The following CD109 variants were observed in gnomAD, a reference collection of about 807,000 sequenced individuals.
CD109 encodes CD109 molecule.
A neutral mutation model predicts 165.8 loss-of-function variants in CD109; 149 were observed. The observed-to-expected ratio is 0.90, with a 90% CI of 0.79 to 1.03. The LOEUF (loss-of-function observed/expected upper bound fraction) is 1.03, where lower values mean the gene tolerates loss of function less well. Among genes scored for constraint, CD109 ranks in the 50% least tolerant of loss-of-function variants. The probability of loss-of-function intolerance (pLI) is 0.00; values close to 1 mark genes in which losing one functional copy is unlikely to be tolerated. For synonymous variants in CD109, 585 were observed against 592.1 expected, an observed-to-expected ratio of 0.99 and a Z score of 0.18; for missense variants, 1,712 against 1,677.8, an observed-to-expected ratio of 1.02 and a Z score of -0.36.
At chr6:73,782,249 C>T (rs928611837) in intron 17 of CD109, among the ~76,000 whole-genome samples, 1 of 152,176 alleles carries the variant, frequency 6.6e-6, no homozygotes, top group African/African-American at 2.4e-5. Context: ...TATGATCTCT[C>T]TACATTAAAG....
the CD109 span, among the ~76,000 whole-genome samples, chr6:73,685,727 G>A: frequency 1.2e-4 from 18 of 152,166 alleles, no homozygotes; most frequent in Admixed American, 4.6e-4. Context: ...AGTCCCCAAA[G>A]TCCATTATAT....
rs1017257231 is a variant in CD109 at position 73,696,366 on chromosome 6, G to A, written c.74+77G>A. On this transcript the variant is annotated intron_variant, in intron 1 of 32. Coordinates refer to ENST00000287097, the MANE Select transcript of CD109 (RefSeq NM_133493.5). ...CTGCGGCTCTGGGCCAGGGCTTCGG[G>A]GAGGTGGCGGCTGCTGTGCAGCAGC... The A allele has an allele frequency of 3.3e-6, 4 of 1,214,738 alleles. No homozygotes were observed. In the Admixed American group the frequency reaches 1.2e-4, roughly 37 times the overall value. 75.2% of individuals were successfully genotyped at this position (1,214,738 alleles called of 1,614,324 possible).
chr6:73,753,203 GACC>G (rs1001919485), intron 5 of CD109, among the ~76,000 whole-genome samples: 6 of 152,146 alleles, frequency 3.9e-5, no homozygotes, highest in African/African-American at 1.4e-4. Context: ...TTGGGACAGA[GACC>G]ATATGGCCTG....
intron 22 of CD109, among the ~76,000 whole-genome samples, chr6:73,791,537 A>G (rs1473676446): frequency 6.6e-6 from 1 of 151,688 alleles, no homozygotes; most frequent in African/African-American, 2.4e-5. Flanking sequence ...ATCACTCCTT[A>G]CACAGGAACG....
At chr6:73,688,765 T>G in the CD109 span, among the ~76,000 whole-genome samples, 6 of 105,900 alleles carry the variant, frequency 5.7e-5, no homozygotes, top group African/African-American at 2.3e-4. Flanking sequence ...TTCTTTGTTT[T>G]TTTTTTTTTT....
chr6:73,823,524 T>G lies in CD109; in HGVS notation c.4229T>G (p.Val1410Gly), dbSNP rs1389471596. 1 of 1,614,044 alleles carries G rather than the reference T, an allele frequency of 6.2e-7. No individual in the cohort carries two copies. The highest frequency in any genetic ancestry group is 1.1e-5 in the South Asian group (1 of 91,070). ...KLSSCDLCSD[V>G]QGCRPCEDGA... Reference sequence around the variant, plus strand: ...TCCTCCTGTGACCTTTGCAGTGATGTCCAGGGCTGCCGTCCTTGTGAGGAT... The same window carrying G: ...TCCTCCTGTGACCTTTGCAGTGATGGCCAGGGCTGCCGTCCTTGTGAGGAT... The change falls in exon 33 of 33, where the codon GTC (valine) becomes GGC (glycine). Residue 1410 changes from valine (V) to glycine (G), a missense_variant. Val to Gly is a moderately radical substitution (Grantham distance 109). Coordinates refer to ENST00000287097, the MANE Select transcript of CD109 (RefSeq NM_133493.5).
chr6:73,776,675 A>C (rs557421968), intron 15 of CD109, among the ~76,000 whole-genome samples: 2 of 146,300 alleles, frequency 1.4e-5, no homozygotes, highest in East Asian at 4.1e-4. Context: ...CTCCTGCCTC[A>C]GCCTCCCAAG....
chr6:73,803,988 C>G (rs149898294), intron 24 of CD109: 1 of 152,236 alleles, frequency 6.6e-6, no homozygotes, highest in African/African-American at 2.4e-5. Flanking sequence ...CAGCTGCCAA[C>G]GTGTCCACGT....
chr6:73,823,376 A>G, intron 32 of CD109, 82 bp from the exon 33 acceptor site: 3 of 1,030,630 alleles, frequency 2.9e-6, no homozygotes, highest in Non-Finnish European at 1.4e-6. Flanking sequence ...AGAAAAGTGT[A>G]TCGAAATGCT....
Position 73,823,882 on chromosome 6 carries a change from A to G in CD109, c.*249A>G. On this transcript the variant is annotated 3_prime_UTR_variant, in exon 33 of 33. Coordinates refer to ENST00000287097, the MANE Select transcript of CD109 (RefSeq NM_133493.5). ...TTTTCCCCTCTCAAAATCTTTTAGA[A>G]TTTTTTTGGAGGTGTTTGTTTTCTC... is the stretch of plus-strand genomic sequence containing the variant. 3.1e-6 allele frequency: 1 copy of G among 325,482 alleles called. No homozygotes were observed. Among genetic ancestry groups the G allele is most frequent in the Non-Finnish European group, 5.6e-6 (1 of 178,764 alleles). The allele number at this position is 325,482 out of a possible 1,614,324, so 20.2% of individuals were successfully genotyped here.
At chr6:73,777,306 A>C (rs1774288094) in intron 15 of CD109, among the ~76,000 whole-genome samples, 1 of 151,980 alleles carries the variant, frequency 6.6e-6, no homozygotes, top group Non-Finnish European at 1.5e-5. Context: ...AATTTGTTTA[A>C]GTTCCTTATA....
rs1206624773 is a variant in CD109 at position 73,824,394 on chromosome 6, C to T, written c.*761C>T. ...TCCCACATCCTCAGCCCCACACCAG[C>T]TCTATTTCAGGGGTGAGAGTCAGAG... On this transcript the variant is annotated 3_prime_UTR_variant, in exon 33 of 33. Coordinates refer to ENST00000287097, the MANE Select transcript of CD109 (RefSeq NM_133493.5). The T allele has an allele frequency of 6.6e-6, 1 of 152,176 alleles. No individual in the cohort carries two copies. Among genetic ancestry groups the T allele is most frequent in the Non-Finnish European group, 1.5e-5 (1 of 68,070 alleles). 9.4% of individuals were successfully genotyped at this position (152,176 alleles called of 1,614,324 possible). A position where few individuals can be genotyped will look rare whatever the true frequency, so the allele number is the denominator to read the frequency against.
Position 73,723,921 on chromosome 6 carries a change from G to T in CD109, c.276+642G>T, listed in dbSNP as rs1225308708. On this transcript the variant is annotated intron_variant, in intron 3 of 32. Transcript: ENST00000287097. ...AAGTTAAAAAAAAACAAGGCATCTG[G>T]GCTGGTTTGCTCCTGCTTCTGTCGT... Among the ~76,000 whole-genome samples, 3 of 152,062 alleles carry T rather than the reference G, an allele frequency of 2.0e-5. No homozygotes were observed. The East Asian group carries it at 5.8e-4, about 29-fold the overall frequency.
At chr6:73,717,683 A>G (rs1771792104) in intron 2 of CD109, among the ~76,000 whole-genome samples, 1 of 134,688 alleles carries the variant, frequency 7.4e-6, no homozygotes, top group Non-Finnish European at 1.5e-5. Flanking sequence ...GCAGTGGCGC[A>G]ATCTCGGCTC....
At chr6:73,784,050 A>G (rs1311345304) in intron 19 of CD109, among the ~76,000 whole-genome samples, 1 of 152,182 alleles carries the variant, frequency 6.6e-6, no homozygotes, top group Admixed American at 6.5e-5. Flanking sequence ...TTGGGTAGAA[A>G]AGTTTATTAT....
chr6:73,763,142 A>T (rs1417774425), intron 9 of CD109, among the ~76,000 whole-genome samples: 1 of 152,152 alleles, frequency 6.6e-6, no homozygotes, highest in Non-Finnish European at 1.5e-5. Context: ...TCCCCCTGAA[A>T]ACTACATGGA....
chr6:73,729,644 G>A (rs746025591), intron 3 of CD109, among the ~76,000 whole-genome samples: 1 of 151,952 alleles, frequency 6.6e-6, no homozygotes, highest in Non-Finnish European at 1.5e-5. Flanking sequence ...TCCCGGAGTA[G>A]CTGGGACTAC....
At chr6:73,746,121 C>T (rs368889259) in intron 5 of CD109, among the ~76,000 whole-genome samples, 2 of 152,208 alleles carry the variant, frequency 1.3e-5, no homozygotes, top group Admixed American at 6.5e-5. Flanking sequence ...ATTATCTTAA[C>T]GCAGTGCACC....
chr6:73,771,614 T>C (rs1465978383), intron 15 of CD109, 33 bp downstream of exon 15: 1 of 1,466,086 alleles, frequency 6.8e-7, no homozygotes, highest in Non-Finnish European at 9.2e-7. Flanking sequence ...TATGAAAATA[T>C]GTATTACAAG....
Sources: gnomAD v4.1 joint callset for allele counts (sites outside exome capture counted in the v4.1 genomes callset) on GRCh38, gnomAD v4.1.1 for gene constraint, MANE v1.5 for transcripts, NCBI Gene and HGNC (gene_info 2026-07-23, HGNC 2026-07-21) for gene names.